The following ENTREP2 variants were observed in gnomAD, a reference collection of about 807,000 sequenced individuals.
ENTREP2 encodes protein ENTREP2.
At chr15:29,523,624 C>T in the ENTREP2 span, among the ~76,000 whole-genome samples, 2 of 116,204 alleles carry the variant, frequency 1.7e-5, no homozygotes, top group African/African-American at 3.3e-5. Flanking sequence ...GTAATTCATA[C>T]GGAAATGCTT....
chr15:29,151,681 A>T, the ENTREP2 span: 1 of 1,384,042 alleles, frequency 7.2e-7, no homozygotes, highest in Non-Finnish European at 1.0e-6. Flanking sequence ...AGAAGCGTCC[A>T]CTCCTACACT....
the ENTREP2 span, among the ~76,000 whole-genome samples, chr15:29,342,860 G>A: frequency 6.6e-6 from 1 of 152,108 alleles, no homozygotes; most frequent in Non-Finnish European, 1.5e-5. Flanking sequence ...TTCACGATCT[G>A]AATTAGAAAT....
At chr15:29,486,767 A>C in the ENTREP2 span, among the ~76,000 whole-genome samples, 1 of 152,204 alleles carries the variant, frequency 6.6e-6, no homozygotes, top group Admixed American at 6.5e-5. Context: ...TATTATGTTA[A>C]GCAAAGTAAG....
chr15:29,424,153 T>C, the ENTREP2 span, among the ~76,000 whole-genome samples: 1 of 152,146 alleles, frequency 6.6e-6, no homozygotes, highest in Non-Finnish European at 1.5e-5. Flanking sequence ...GAGTTATAGC[T>C]CATAAAGGTA....
the ENTREP2 span, chr15:29,381,684 G>T: frequency 1.9e-6 from 2 of 1,044,386 alleles, no homozygotes; most frequent in Non-Finnish European, 2.8e-6. Context: ...AAAAGAAGTT[G>T]GAATTCTCTT....
At chr15:29,529,602 G>GA in the ENTREP2 span, among the ~76,000 whole-genome samples, 4 of 152,102 alleles carry the variant, frequency 2.6e-5, no homozygotes, top group Non-Finnish European at 4.4e-5. Context: ...CCACCTGCAG[G>GA]AATCAGCTAG....
the ENTREP2 span, among the ~76,000 whole-genome samples, chr15:29,159,085 T>C: frequency 2.0e-5 from 3 of 152,230 alleles, no homozygotes; most frequent in Admixed American, 1.3e-4. Flanking sequence ...TTGGTCTCAC[T>C]GACTTCAAGA....
chr15:29,300,173 T>C, the ENTREP2 span, among the ~76,000 whole-genome samples: 1 of 148,074 alleles, frequency 6.8e-6, no homozygotes, highest in Non-Finnish European at 1.5e-5. Flanking sequence ...GATGGATGGA[T>C]GGATGGATGG....
At chr15:29,133,881 C>T in the ENTREP2 span, among the ~76,000 whole-genome samples, 124 of 152,264 alleles carry the variant, frequency 8.1e-4, no homozygotes, top group African/African-American at 2.7e-3. Flanking sequence ...CACACTCATC[C>T]GAGACTCTTT....
the ENTREP2 span, among the ~76,000 whole-genome samples, chr15:29,607,149 A>G: frequency 6.6e-6 from 1 of 152,160 alleles, no homozygotes; most frequent in Non-Finnish European, 1.5e-5. Context: ...ATACATTATC[A>G]AATCTTTTAT....
At chr15:29,154,990 T>C in the ENTREP2 span, among the ~76,000 whole-genome samples, 13 of 152,186 alleles carry the variant, frequency 8.5e-5, no homozygotes, top group African/African-American at 2.9e-4. Context: ...TAAGAAGCGT[T>C]AGGCAGAACC....
the ENTREP2 span, among the ~76,000 whole-genome samples, chr15:29,425,775 T>C: frequency 1.4e-4 from 21 of 152,184 alleles, no homozygotes; most frequent in East Asian, 3.7e-3. Context: ...AAATTATATA[T>C]CTAATAAGTA....
At chr15:29,651,844 C>T in the ENTREP2 span, among the ~76,000 whole-genome samples, 15 of 152,334 alleles carry the variant, frequency 9.8e-5, no homozygotes, top group African/African-American at 2.6e-4. Flanking sequence ...TGCAGGTGCC[C>T]CTTAGTTCAA....
At chr15:29,501,917 T>G in the ENTREP2 span, among the ~76,000 whole-genome samples, 5,212 of 151,702 alleles carry the variant, frequency 0.034, 282 homozygotes, top group African/African-American at 0.12. Flanking sequence ...GACAATTCCA[T>G]CAACAATACC....
the ENTREP2 span, among the ~76,000 whole-genome samples, chr15:29,324,412 C>A: frequency 6.6e-6 from 1 of 152,132 alleles, no homozygotes. Context: ...ATCAATCCAA[C>A]TGTGCAATAA....
chr15:29,545,479 G>C, the ENTREP2 span, among the ~76,000 whole-genome samples: 1 of 152,190 alleles, frequency 6.6e-6, no homozygotes, highest in Non-Finnish European at 1.5e-5. Context: ...TTGTGATCTT[G>C]AGTAAAACAA....
the ENTREP2 span, chr15:29,124,866 C>T: frequency 2.0e-6 from 2 of 1,002,604 alleles, no homozygotes; most frequent in Non-Finnish European, 3.0e-6. Context: ...GGCGAGCAAG[C>T]AGGAGAAGCC....
the ENTREP2 span, among the ~76,000 whole-genome samples, chr15:29,490,711 G>C: frequency 0.04 from 6,145 of 152,194 alleles, 394 homozygotes; most frequent in African/African-American, 0.14. Flanking sequence ...TACAAACCTT[G>C]AGCTAGACAC....
At chr15:29,175,797 G>A in the ENTREP2 span, among the ~76,000 whole-genome samples, 2 of 152,276 alleles carry the variant, frequency 1.3e-5, no homozygotes, top group South Asian at 4.1e-4. Flanking sequence ...TAGTAGAGAC[G>A]GGGTTTCACC....
Sources: allele counts gnomAD v4.1 joint callset (sites outside exome capture counted in the v4.1 genomes callset), GRCh38; gene constraint gnomAD v4.1.1; transcripts MANE v1.5; gene names NCBI Gene and HGNC (gene_info 2026-07-23, HGNC 2026-07-21).